The following GPATCH1 variants were observed in gnomAD, a reference collection of about 807,000 sequenced individuals.
GPATCH1 encodes G-patch domain containing 1, also known as G patch domain-containing protein 1.
A neutral mutation model predicts 114.9 loss-of-function variants in GPATCH1; 73 were observed. The observed-to-expected ratio is 0.64, with a 90% CI of 0.53 to 0.77. GPATCH1 has a LOEUF of 0.77. GPATCH1 is among the 30% of genes least tolerant of loss of function. The pLI, the probability that GPATCH1 is intolerant of heterozygous loss-of-function variation, is 0.00. For missense variants in GPATCH1, 1,058 were observed against 1,144.3 expected (o/e 0.92, Z 1.09); for synonymous variants, 391 against 428.4 (o/e 0.91, Z 1.08).
chr19:33,088,324 G>C, intron 2 of GPATCH1, 56 bp downstream of exon 2: 1 of 1,248,698 alleles, frequency 8.0e-7, no homozygotes, highest in Non-Finnish European at 1.1e-6. Context: ...TCAAAATATT[G>C]ATTCTCCCTC....
At position 33,126,629 on chromosome 19, in the gene GPATCH1, G is replaced by C; in HGVS notation, c.2661G>C (p.Lys887Asn). 6.2e-7 allele frequency: 1 copy of C among 1,613,806 alleles called. No homozygotes were observed. Among genetic ancestry groups the C allele is most frequent in the South Asian group, 1.1e-5 (1 of 91,070 alleles). ...AGCACAAACACAAAGGCAAGCAAAA[G>C]AATAAAAAACCAGAGAAAAGTAGTA... is the stretch of plus-strand genomic sequence containing the variant. The part of the protein sequence containing the change: ...HRKHKHKGKQ[K>N]NKKPEKSSSS... Residue 887 changes from lysine to asparagine, a missense_variant, in exon 19 of 20, where the codon AAG becomes AAC. Lys to Asn is a moderately conservative substitution (Grantham distance 94). Transcript: ENST00000170564.
intron 3 of GPATCH1, among the ~76,000 whole-genome samples, chr19:33,091,180 G>A (rs1431010380): frequency 2.0e-5 from 3 of 152,082 alleles, no homozygotes; most frequent in African/African-American, 4.8e-5. Context: ...GGGAGGCCGA[G>A]ACAGGCGGAT....
intron 1 of GPATCH1, among the ~76,000 whole-genome samples, chr19:33,086,301 C>T (rs1425155748): frequency 2.0e-5 from 3 of 152,104 alleles, no homozygotes; most frequent in African/African-American, 7.2e-5. Context: ...GACATTGTAG[C>T]TGATATTAAC....
intron 8 of GPATCH1, among the ~76,000 whole-genome samples, chr19:33,098,234 C>T (rs1286717762): frequency 6.6e-6 from 1 of 152,168 alleles, no homozygotes; most frequent in Admixed American, 6.5e-5. Context: ...AGGAACTGGG[C>T]AGGTGGCCAA....
Position 33,117,845 on chromosome 19 carries a change from C to T in GPATCH1, c.2217C>T (p.Asp739=), listed in dbSNP as rs370382787. The T allele has an allele frequency of 2.6e-5, 42 of 1,613,028 alleles. No homozygotes were observed. The highest frequency in any genetic ancestry group is 4.5e-5 in the East Asian group (2 of 44,882). The change falls in exon 16 of 20, where the codon GAC becomes GAT. Residue 739 remains aspartate (D), a synonymous_variant. Transcript: ENST00000170564. The part of the protein sequence containing the change: ...SANQTVNKDV[D]AQAEGEGSRP... ...TACAGACCGTCAACAAAGATGTGGA[C>T]GCACAGGCTGAAGGAGAAGGGAGCC...
intron 1 of GPATCH1, among the ~76,000 whole-genome samples, chr19:33,086,388 T>C (rs1328544916): frequency 1.3e-5 from 2 of 152,222 alleles, no homozygotes; most frequent in African/African-American, 2.4e-5. Context: ...CCTACAAAGA[T>C]GGGCTTCTTT....
At chr19:33,116,351 C>T (rs897945928) in intron 15 of GPATCH1, among the ~76,000 whole-genome samples, 2 of 152,178 alleles carry the variant, frequency 1.3e-5, no homozygotes, top group Non-Finnish European at 2.9e-5. Context: ...CTTGAAGTTC[C>T]ACGTTCCCCT....
chr19:33,114,244 G>A lies in GPATCH1; in HGVS notation c.2030-9G>A, dbSNP rs369879195. ...ATGCTGGAGTTTATATCTATGTCCT[G>A]CCTTTCAGAATCAAGAAAACCATCC... On this transcript the variant is annotated splice_polypyrimidine_tract_variant and intron_variant, in intron 14 of 19. Transcript: ENST00000170564. 6.2e-7 allele frequency: 1 copy of A among 1,605,026 alleles called. No homozygotes were observed. Among genetic ancestry groups the A allele is most frequent in the African/African-American group, 1.3e-5 (1 of 74,294 alleles).
rs375476368 is a variant in GPATCH1 at position 33,091,856 on chromosome 19, A to G, written c.294+991A>G. ...ATTCTTTTTTTGAGTAGCATCATCT[A>G]GAAGGAAACATATCTCATGTAGCAA... On this transcript the variant is annotated intron_variant, in intron 3 of 19. Transcript: ENST00000170564. Among the ~76,000 whole-genome samples, 27 of 152,282 alleles carry G rather than the reference A, an allele frequency of 1.8e-4. No homozygotes were observed. In the East Asian group the frequency reaches 5.0e-3, roughly 28 times the overall value.
chr19:33,101,429 C>A, intron 8 of GPATCH1, 66 bp from the exon 9 acceptor site: 1 of 866,340 alleles, frequency 1.2e-6, no homozygotes, highest in Non-Finnish European at 1.9e-6. Context: ...ACGTAAAATG[C>A]TGATGTGTTC....
At chr19:33,119,567 G>T (rs190923585) in intron 17 of GPATCH1, among the ~76,000 whole-genome samples, 81 of 151,968 alleles carry the variant, frequency 5.3e-4, no homozygotes, top group Non-Finnish European at 1.1e-3. Flanking sequence ...GCGTAGTGAC[G>T]CACGCCTGTA....
intron 18 of GPATCH1, 46 bp downstream of exon 18, chr19:33,125,248 G>C (rs989922142): frequency 6.4e-7 from 1 of 1,561,236 alleles, no homozygotes; most frequent in Non-Finnish European, 8.7e-7. Context: ...GGTGGGACCC[G>C]CTGGTCAGCC....
chr19:33,098,995 C>G (rs1972695133), intron 8 of GPATCH1, among the ~76,000 whole-genome samples: 1 of 149,768 alleles, frequency 6.7e-6, no homozygotes, highest in Non-Finnish European at 1.5e-5. Context: ...TTTCTGATTT[C>G]TGTCCCCAAA....
chr19:33,128,275 T>C (rs1973065227), intron 19 of GPATCH1, among the ~76,000 whole-genome samples: 1 of 151,810 alleles, frequency 6.6e-6, no homozygotes, highest in South Asian at 2.1e-4. Flanking sequence ...AAATCATTTT[T>C]TTTGAGACAG....
Position 33,125,221 on chromosome 19 carries a change from C to T in GPATCH1, c.2619+19C>T, listed in dbSNP as rs1375863524. ...AGAGAAGGTGAGAGACTTGTGTGTA[C>T]CCCAGGATCAGTGTGGGGTGGGACC... is the stretch of plus-strand genomic sequence containing the variant. On this transcript the variant is annotated intron_variant, in intron 18 of 19. Coordinates refer to ENST00000170564, the MANE Select transcript of GPATCH1 (RefSeq NM_018025.3). The T allele has an allele frequency of 6.3e-7, 1 of 1,579,080 alleles. No homozygotes were observed. The highest frequency in any genetic ancestry group is 8.6e-7 in the Non-Finnish European group (1 of 1,163,078).
In GPATCH1 at chr19:33,094,323, T is replaced by G. The variant is rs570189171; in HGVS notation, c.553+54T>G. ...CACTGCTGCAGCGTACTTTTTTTTT[T>G]TTTTTGAGACAGGGTCTTGCTCTGT... On this transcript the variant is annotated intron_variant, in intron 5 of 19. Coordinates refer to ENST00000170564, the MANE Select transcript of GPATCH1 (RefSeq NM_018025.3). The G allele has an allele frequency of 7.9e-6, 8 of 1,010,324 alleles. No individual in the cohort carries two copies. In the Admixed American group the frequency reaches 1.3e-4, roughly 16 times the overall value. The allele number at this position is 1,010,324 out of a possible 1,614,324, so 62.6% of individuals were successfully genotyped here. A position where few individuals can be genotyped will look rare whatever the true frequency, so the allele number is the denominator to read the frequency against.
intron 1 of GPATCH1, among the ~76,000 whole-genome samples, chr19:33,081,778 G>C (rs1972479758): frequency 6.6e-6 from 1 of 152,128 alleles, no homozygotes. Context: ...GGCTGACAGG[G>C]GCTGGATCTT....
At chr19:33,114,006 T>G (rs1208787659) in intron 14 of GPATCH1, 103 bp downstream of exon 14, 2 of 1,025,702 alleles carry the variant, frequency 1.9e-6, no homozygotes, top group African/African-American at 3.2e-5. Flanking sequence ...ATGTGAATGG[T>G]GCATATTCTC....
intron 7 of GPATCH1, 30 bp downstream of exon 7, chr19:33,096,476 G>C (rs1472183734): frequency 1.3e-6 from 2 of 1,560,364 alleles, no homozygotes; most frequent in Non-Finnish European, 1.7e-6. Flanking sequence ...TATAAAGGGG[G>C]AGTCATTGAT....
Sources: allele counts gnomAD v4.1 joint callset (sites outside exome capture counted in the v4.1 genomes callset), GRCh38; gene constraint gnomAD v4.1.1; transcripts MANE v1.5; gene names NCBI Gene and HGNC (gene_info 2026-07-23, HGNC 2026-07-21).